Variants in KCND2 observed in about 807,000 individuals in gnomAD.
The protein encoded by KCND2 is potassium voltage-gated channel subfamily D member 2.
KCND2 carries 16 observed loss-of-function variants against 54.4 expected under a neutral mutation model. The ratio of observed to expected loss-of-function variants is 0.29; its 90% CI spans 0.20 to 0.45. The LOEUF (loss-of-function observed/expected upper bound fraction) is 0.45, where lower values mean the gene tolerates loss of function less well. KCND2 is among the 20% of genes least tolerant of loss of function. The pLI, the probability that KCND2 is intolerant of heterozygous loss-of-function variation, is 1.00. For missense variants in KCND2, 486 were observed against 824.2 expected, an observed-to-expected ratio of 0.59 and a Z score of 5.02; for synonymous variants, 317 against 310.7, an observed-to-expected ratio of 1.02 and a Z score of -0.21.
chr7:120,398,038 T>TATATATATA (rs1491373793), intron 1 of KCND2, among the ~76,000 whole-genome samples: 1 of 130,198 alleles, frequency 7.7e-6, no homozygotes, highest in African/African-American at 2.9e-5. Context: ...TATATATATA[T>TATATATATA]TTGCTCTTTT....
rs147429176 is a variant in KCND2 at position 120,370,068 on chromosome 7, T to A, written c.1115+94321T>A. On this transcript the variant is annotated intron_variant, in intron 1 of 5. Coordinates refer to ENST00000331113, the MANE Select transcript of KCND2 (RefSeq NM_012281.3). ...AAAGGATGGTCTGTTTGCCTTCCTA[T>A]GAAGATGACATGTGGATAAAGATGT... 1.3e-3 allele frequency among the ~76,000 whole-genome samples: 195 copies of A among 152,096 alleles called. 1 individual carries two copies. Among genetic ancestry groups the A allele is most frequent in the South Asian group, 1.5e-3 (7 of 4,816 alleles).
intron 1 of KCND2, among the ~76,000 whole-genome samples, chr7:120,315,632 C>G (rs1397433313): frequency 6.6e-6 from 1 of 151,946 alleles, no homozygotes; most frequent in Non-Finnish European, 1.5e-5. Context: ...CCCTAAAGCC[C>G]CCAGAAAGTC....
At chr7:120,584,798 G>A (rs973986341) in intron 1 of KCND2, among the ~76,000 whole-genome samples, 2 of 152,148 alleles carry the variant, frequency 1.3e-5, no homozygotes, top group African/African-American at 2.4e-5. Flanking sequence ...GGTGAAAGAT[G>A]CAATATTAGT....
At chr7:120,348,963 T>C (rs1252459713) in intron 1 of KCND2, among the ~76,000 whole-genome samples, 1 of 152,130 alleles carries the variant, frequency 6.6e-6, no homozygotes, top group East Asian at 1.9e-4. Context: ...CTCATAATAA[T>C]ATACCAAATA....
At chr7:120,727,030 TGG>T (rs941024409) in intron 1 of KCND2, among the ~76,000 whole-genome samples, 30 of 152,324 alleles carry the variant, frequency 2.0e-4, no homozygotes, top group Middle Eastern at 3.4e-3. Flanking sequence ...TTAGTGTGTG[TGG>T]GACATACTTT....
chr7:120,391,973 A>G (rs1357089762), intron 1 of KCND2, among the ~76,000 whole-genome samples: 1 of 151,934 alleles, frequency 6.6e-6, no homozygotes, highest in Non-Finnish European at 1.5e-5. Context: ...TTGGTGTTTT[A>G]TTCATGCAAT....
chr7:120,449,749 A>G (rs532608802), intron 1 of KCND2, among the ~76,000 whole-genome samples: 26 of 152,344 alleles, frequency 1.7e-4, no homozygotes, highest in Non-Finnish European at 3.4e-4. Flanking sequence ...CTCACTCTAT[A>G]ATTTACTTAC....
At chr7:120,566,755 A>ATAC (rs1554368893) in intron 1 of KCND2, among the ~76,000 whole-genome samples, 1 of 150,238 alleles carries the variant, frequency 6.7e-6, no homozygotes, top group African/African-American at 2.4e-5. Context: ...TATATTGTAT[A>ATAC]TATTATTATT....
Position 120,595,458 on chromosome 7 carries a change from A to AAT in KCND2, c.1116-137444_1116-137443insTA, listed in dbSNP as rs1175784992. On this transcript the variant is annotated intron_variant, in intron 1 of 5. Transcript: ENST00000331113. ...AAAGTGAGACTGTGCCACCAAAAAA[A>AAT]AAATATATATATATATATATATGTG... Among the ~76,000 whole-genome samples the AAT allele has an allele frequency of 4.8e-5, 5 of 103,308 alleles. No homozygotes were observed. In the East Asian group the frequency reaches 1.1e-3, roughly 23 times the overall value. The allele number at this position is 103,308 out of a possible 152,430, so 67.8% of individuals were successfully genotyped here.
At chr7:120,645,708 C>A (rs1793431959) in intron 1 of KCND2, among the ~76,000 whole-genome samples, 2 of 152,066 alleles carry the variant, frequency 1.3e-5, no homozygotes, top group Non-Finnish European at 2.9e-5. Flanking sequence ...GTGTCCCATG[C>A]CTGGACACGT....
chr7:120,415,566 A>C (rs771669128), intron 1 of KCND2, among the ~76,000 whole-genome samples: 2 of 152,140 alleles, frequency 1.3e-5, no homozygotes, highest in Non-Finnish European at 2.9e-5. Flanking sequence ...CCATTTTAAC[A>C]AGGCCTTTGC....
At chr7:120,622,805 C>T (rs1793118481) in intron 1 of KCND2, among the ~76,000 whole-genome samples, 1 of 151,404 alleles carries the variant, frequency 6.6e-6, no homozygotes, top group Non-Finnish European at 1.5e-5. Flanking sequence ...CTAAACCAAG[C>T]CACTATATGC....
intron 1 of KCND2, among the ~76,000 whole-genome samples, chr7:120,421,911 A>C (rs764804659): frequency 6.6e-6 from 1 of 152,150 alleles, no homozygotes; most frequent in Admixed American, 6.6e-5. Flanking sequence ...GCCACTTTTC[A>C]GGGAGCTGGG....
intron 1 of KCND2, among the ~76,000 whole-genome samples, chr7:120,600,327 T>G (rs1015568784): frequency 1.3e-5 from 2 of 151,996 alleles, no homozygotes; most frequent in African/African-American, 4.8e-5. Context: ...ATTAATTTAT[T>G]AATAATTTAG....
At chr7:120,565,238 A>G (rs1792282305) in intron 1 of KCND2, among the ~76,000 whole-genome samples, 1 of 152,172 alleles carries the variant, frequency 6.6e-6, no homozygotes, top group Admixed American at 6.5e-5. Context: ...TAGGCAAAGT[A>G]TTTCTGTGAC....
chr7:120,465,008 G>T (rs995636692), intron 1 of KCND2, among the ~76,000 whole-genome samples: 1 of 152,156 alleles, frequency 6.6e-6, no homozygotes, highest in South Asian at 2.1e-4. Context: ...AACCCCTTTT[G>T]CCATGTAAGA....
chr7:120,378,417 C>T (rs1489006723), intron 1 of KCND2, among the ~76,000 whole-genome samples: 2 of 151,902 alleles, frequency 1.3e-5, no homozygotes, highest in Non-Finnish European at 2.9e-5. Flanking sequence ...TAAACTCACC[C>T]AAACTCAGGT....
intron 1 of KCND2, among the ~76,000 whole-genome samples, chr7:120,539,270 C>T (rs1304242668): frequency 6.6e-6 from 1 of 152,182 alleles, no homozygotes; most frequent in East Asian, 1.9e-4. Flanking sequence ...GATTTGCATA[C>T]TGCCTTGGGA....
chr7:120,315,764 CAGTGTGTGTGTGTG>C (rs1167823341), intron 1 of KCND2, among the ~76,000 whole-genome samples: 1 of 103,582 alleles, frequency 9.7e-6, no homozygotes, highest in Non-Finnish European at 1.9e-5. Flanking sequence ...TTTCCATAAG[CAGTGTGTGTGTGTG>C]TGTGTGTGTG....
Sources: gnomAD v4.1 joint callset for allele counts (sites outside exome capture counted in the v4.1 genomes callset) on GRCh38, gnomAD v4.1.1 for gene constraint, MANE v1.5 for transcripts, NCBI Gene and HGNC (gene_info 2026-07-23, HGNC 2026-07-21) for gene names.